The following SGCE variants were observed in gnomAD, a reference collection of about 807,000 sequenced individuals.
The protein encoded by SGCE is epsilon-sarcoglycan.
Under a neutral mutation model 57.8 loss-of-function variants are expected in SGCE, and 26 were observed. The ratio of observed to expected loss-of-function variants is 0.45; its 90% confidence interval spans 0.33 to 0.62. SGCE has a LOEUF of 0.62. Among genes scored for constraint, SGCE ranks in the 20% least tolerant of loss-of-function variants. The pLI, the probability that SGCE is intolerant of heterozygous loss-of-function variation, is 0.02. For missense variants in SGCE, 468 were observed against 548.6 expected (o/e 0.85, Z 1.47); for synonymous variants, 183 against 189.5 (o/e 0.97, Z 0.28).
rs779674432 is a variant in SGCE, at chr7:94,618,811, C to T, written c.609G>A (p.Ser203=). ...PERLNAINIT[S]ALDRGGRVPL... ...GCACCCTGCCACCCCTGTCTAGGGC[C>T]GATGTGATGTTTATGGCGTTCAGGC... The change falls in exon 5 of 11, where the codon TCG becomes TCA. Residue 203 remains serine (S), a synonymous_variant. Transcript: ENST00000648936. 13 of 1,613,966 alleles carry T rather than the reference C, an allele frequency of 8.1e-6. No homozygotes were observed. In the East Asian group the frequency reaches 1.1e-4, roughly 14 times the overall value.
intron 2 of SGCE, 146 bp downstream of exon 2, chr7:94,629,573 A>T: frequency 1.3e-6 from 1 of 761,040 alleles, no homozygotes; most frequent in Non-Finnish European, 2.2e-6. Flanking sequence ...CTAATCTGTA[A>T]ATGAGAAATA....
At chr7:94,588,991 G>A (rs1797280662) in intron 9 of SGCE, 1 of 481,612 alleles carries the variant, frequency 2.1e-6, no homozygotes, top group Non-Finnish European at 3.8e-6. Context: ...ACCCTAAGAG[G>A]TAGGTGTTAA....
Position 94,585,162 on chromosome 7 carries a change from C to T in SGCE, c.*337G>A, listed in dbSNP as rs1394519964. 2 of 244,754 alleles carry T rather than the reference C, an allele frequency of 8.2e-6. No individual in the cohort carries two copies. Among genetic ancestry groups the T allele is most frequent in the South Asian group, 9.1e-5 (1 of 10,952 alleles). The allele number at this position is 244,754 out of a possible 1,614,324, so 15.2% of individuals were successfully genotyped here. ...AATGAACACATAAACCTGTTTCTAG[C>T]GATTAAAAGATTTCTACTAAATAGG... On this transcript the variant is annotated 3_prime_UTR_variant, in exon 11 of 11. Coordinates refer to ENST00000648936, the MANE Select transcript of SGCE (RefSeq NM_003919.3).
intron 9 of SGCE, chr7:94,589,249 A>G (rs990885942): frequency 6.1e-6 from 1 of 164,774 alleles, no homozygotes; most frequent in African/African-American, 2.4e-5. Context: ...GGCGGAATGC[A>G]GAAGTCATCC....
chr7:94,634,625 C>T lies in SGCE; in HGVS notation c.110-4784G>A, dbSNP rs1173906253. On this transcript the variant is annotated intron_variant, in intron 1 of 10. Transcript: ENST00000648936. ...GCAGGGTTGCACATTGAAGTAAAAA[C>T]AAATGCGTGCTGTTTAACACACATA... Among the ~76,000 whole-genome samples the T allele has an allele frequency of 3.3e-5, 5 of 152,268 alleles. No individual in the cohort carries two copies. The South Asian group carries it at 1.0e-3, about 32-fold the overall frequency.
chr7:94,591,216 C>G (rs1217642435), intron 9 of SGCE, among the ~76,000 whole-genome samples: 1 of 152,104 alleles, frequency 6.6e-6, no homozygotes, highest in African/African-American at 2.4e-5. Flanking sequence ...GGAATAAGTT[C>G]TACATTTAAA....
At chr7:94,622,891 A>T (rs955846828) in intron 4 of SGCE, among the ~76,000 whole-genome samples, 5 of 152,154 alleles carry the variant, frequency 3.3e-5, no homozygotes, top group Admixed American at 2.6e-4. Flanking sequence ...ATATTATCAC[A>T]TATACTTAGA....
At chr7:94,599,085 T>C in intron 8 of SGCE, 122 bp from the exon 9 acceptor site, 1 of 690,940 alleles carries the variant, frequency 1.4e-6, no homozygotes. Context: ...TATGGCACTT[T>C]GGGCATTCAA....
chr7:94,598,112 T>G (rs1401683337), intron 9 of SGCE: 2 of 156,570 alleles, frequency 1.3e-5, no homozygotes, highest in African/African-American at 4.8e-5. Flanking sequence ...ATCAGCAATA[T>G]ATGATGTAGC....
Position 94,600,775 on chromosome 7 carries a change from G to A in SGCE, c.908C>T (p.Pro303Leu), listed in dbSNP as rs1389943333. The A allele has an allele frequency of 6.2e-7, 1 of 1,613,536 alleles. No homozygotes were observed. Among genetic ancestry groups the A allele is most frequent in the East Asian group, 2.2e-5 (1 of 44,830 alleles). Reference protein sequence around the residue: ...GILPDGGEYKPPSDSLKSRDY... With the variant: ...GILPDGGEYKLPSDSLKSRDY... ...TCTGCTTTTCAAAGAATCAGAAGGGGGTTTGTATTCTCCACCATCAGGTAA... is the reference window on the plus strand; with the variant it reads ...TCTGCTTTTCAAAGAATCAGAAGGGAGTTTGTATTCTCCACCATCAGGTAA... Residue 303 changes from proline to leucine, a missense_variant, in exon 7 of 11, where the codon CCC becomes CTC. Coordinates refer to ENST00000648936, the MANE Select transcript of SGCE (RefSeq NM_003919.3).
At position 94,598,967 on chromosome 7, in the gene SGCE, G is replaced by A; in HGVS notation, c.1065-4C>T. 2 of 1,610,870 alleles carry A rather than the reference G, an allele frequency of 1.2e-6. No individual in the cohort carries two copies. The highest frequency in any genetic ancestry group is 8.5e-7 in the Non-Finnish European group (1 of 1,177,578). Reference sequence around the variant, plus strand: ...ACTGTGATGGACCAGTTGGATGCTAGGTCAAAAAGAAATAAAACAACATAT... The same window carrying A: ...ACTGTGATGGACCAGTTGGATGCTAAGTCAAAAAGAAATAAAACAACATAT... On this transcript the variant is annotated splice_region_variant and splice_polypyrimidine_tract_variant and intron_variant, in intron 8 of 10. Transcript: ENST00000648936.
chr7:94,613,737 T>C (rs1391685753), intron 5 of SGCE, among the ~76,000 whole-genome samples: 3 of 152,170 alleles, frequency 2.0e-5, no homozygotes, highest in African/African-American at 7.2e-5. Context: ...AATTGCCCAA[T>C]TAATGAATAT....
chr7:94,648,376 CAAAAAAA>C (rs71123907), intron 1 of SGCE, among the ~76,000 whole-genome samples: 4 of 65,080 alleles, frequency 6.1e-5, no homozygotes, highest in South Asian at 7.3e-4. Context: ...ACTCTGTCTC[CAAAAAAA>C]AAAAAAAAAA....
chr7:94,636,776 A>C (rs138530913), intron 1 of SGCE, among the ~76,000 whole-genome samples: 203 of 152,334 alleles, frequency 1.3e-3, no homozygotes, highest in African/African-American at 4.6e-3. Flanking sequence ...GAATTGGAAT[A>C]TTCTTTGCTG....
rs780589840 is a variant in SGCE, at chr7:94,623,343, T to G, written c.445A>C (p.Asn149His). 3 of 1,598,282 alleles carry G rather than the reference T, an allele frequency of 1.9e-6. No homozygotes were observed. Among genetic ancestry groups the G allele is most frequent in the Admixed American group, 1.7e-5 (1 of 59,694 alleles). ...FETARHNLII[N>H]IMSAEDFPLP... ...TACCTACCTTCTGCAGACATTATAT[T>G]AATTATCAAATTATGCCTTGCAGTC... The change falls in exon 4 of 11, where the codon AAT (asparagine) becomes CAT (histidine). Residue 149 changes from asparagine to histidine, a missense_variant. Asn to His is a moderately conservative substitution (Grantham distance 68, BLOSUM62 1). Coordinates refer to ENST00000648936, the MANE Select transcript of SGCE (RefSeq NM_003919.3).
intron 1 of SGCE, among the ~76,000 whole-genome samples, chr7:94,640,572 T>C (rs1438396835): frequency 6.6e-6 from 1 of 152,224 alleles, no homozygotes; most frequent in Non-Finnish European, 1.5e-5. Context: ...TTTAGGTAAG[T>C]TCCTTGTGGA....
intron 1 of SGCE, among the ~76,000 whole-genome samples, chr7:94,636,271 C>T (rs1443892405): frequency 6.6e-6 from 1 of 152,144 alleles, no homozygotes; most frequent in Non-Finnish European, 1.5e-5. Flanking sequence ...TAGCATGCTA[C>T]ATTGAAAAGA....
intron 8 of SGCE, chr7:94,599,412 A>G (rs1798878826): frequency 2.4e-6 from 1 of 416,558 alleles, no homozygotes; most frequent in Non-Finnish European, 4.3e-6. Context: ...TGGTTTATAG[A>G]AATGCAGATT....
chr7:94,652,412 C>A (rs1227332116), intron 1 of SGCE, among the ~76,000 whole-genome samples: 1 of 152,080 alleles, frequency 6.6e-6, no homozygotes, highest in Non-Finnish European at 1.5e-5. Context: ...AAATACTGCA[C>A]TTATTAGAAT....
Sources: gnomAD v4.1 joint callset for allele counts (sites outside exome capture counted in the v4.1 genomes callset) on GRCh38, gnomAD v4.1.1 for gene constraint, MANE v1.5 for transcripts, NCBI Gene and HGNC (gene_info 2026-07-23, HGNC 2026-07-21) for gene names.